The following ZRANB3 variants were observed in gnomAD, a reference collection of about 807,000 sequenced individuals.
ZRANB3 encodes the protein zinc finger RANBP2-type containing 3.
Under a neutral mutation model 133.8 loss-of-function variants are expected in ZRANB3, and 125 were observed. The observed-to-expected ratio is 0.93, with a 90% CI of 0.81 to 1.08. ZRANB3 has a LOEUF of 1.08. Among genes scored for constraint, ZRANB3 ranks in the 50% least tolerant of loss-of-function variants. ZRANB3 has a pLI of 0.00. For missense variants in ZRANB3, 1,229 were observed against 1,275.5 expected (o/e 0.96, Z 0.56); for synonymous variants, 387 against 432.7 (o/e 0.89, Z 1.31).
chr2:135,444,389 T>G (rs1689925420), intron 2 of ZRANB3, among the ~76,000 whole-genome samples: 3 of 152,106 alleles, frequency 2.0e-5, no homozygotes, highest in Admixed American at 2.0e-4. Context: ...ATTAGTAAAT[T>G]TATAAACAAA....
intron 1 of ZRANB3, among the ~76,000 whole-genome samples, chr2:135,521,333 G>A (rs1438762082): frequency 6.6e-6 from 1 of 152,092 alleles, no homozygotes; most frequent in Non-Finnish European, 1.5e-5. Context: ...CAGATCATGA[G>A]GTCAGGAGTT....
At chr2:135,391,462 T>C (rs1465516533) in intron 2 of ZRANB3, among the ~76,000 whole-genome samples, 1 of 152,212 alleles carries the variant, frequency 6.6e-6, no homozygotes, top group Non-Finnish European at 1.5e-5. Context: ...TGGTCTTCCC[T>C]ATAAAGAGAA....
chr2:135,483,440 A>G (rs1353791818), intron 2 of ZRANB3, among the ~76,000 whole-genome samples: 1 of 152,034 alleles, frequency 6.6e-6, no homozygotes, highest in Non-Finnish European at 1.5e-5. Flanking sequence ...GGTAGTTTGT[A>G]TTTCTGTGGG....
intron 6 of ZRANB3, among the ~76,000 whole-genome samples, chr2:135,316,636 A>G (rs1366955332): frequency 2.0e-5 from 3 of 152,224 alleles, no homozygotes; most frequent in Non-Finnish European, 2.9e-5. Context: ...TTTTTAAAAA[A>G]TAAATATTAA....
At position 135,379,354 on chromosome 2, in the gene ZRANB3, A is replaced by G. The variant is rs1276542755; in HGVS notation, c.180+11448T>C. Reference sequence around the variant, plus strand: ...TCACTGTCTTATTCCTTTGAGCCCTATGTCTTCCAAATTCTTCTGTCCTCA... The same window carrying G: ...TCACTGTCTTATTCCTTTGAGCCCTGTGTCTTCCAAATTCTTCTGTCCTCA... On this transcript the variant is annotated intron_variant, in intron 3 of 20. Coordinates refer to ENST00000264159, the MANE Select transcript of ZRANB3 (RefSeq NM_032143.4). 2.0e-5 allele frequency among the ~76,000 whole-genome samples: 3 copies of G among 152,124 alleles called. No homozygotes were observed. In the South Asian group the frequency reaches 6.2e-4, roughly 32 times the overall value.
chr2:135,291,909 T>A (rs1485621793), intron 8 of ZRANB3, among the ~76,000 whole-genome samples: 2 of 152,198 alleles, frequency 1.3e-5, no homozygotes, highest in South Asian at 2.1e-4. Context: ...TCCATGTCCC[T>A]ACAAAGGACA....
Position 135,208,896 on chromosome 2 carries a change from C to A in ZRANB3, c.2578G>T (p.Glu860Ter), listed in dbSNP as rs929481762. The change falls in exon 18 of 21, where the codon GAG becomes TAG. Residue 860 changes from glutamate to a stop codon, truncating the protein, a stop_gained. Transcript: ENST00000264159. LOFTEE classifies it high-confidence loss of function. ...GTGAAAGGATCCCGTGGCCTGGACT[C>A]CTTTGTGATCAGACGGACATGGCCC... ...VGGHVRLITK[E>*]SRPRDPFTKK... 3.7e-6 allele frequency: 6 copies of A among 1,613,854 alleles called. No homozygotes were observed. Among genetic ancestry groups the A allele is most frequent in the Non-Finnish European group, 5.1e-6 (6 of 1,179,880 alleles).
At chr2:135,403,995 A>G (rs1687873691) in intron 2 of ZRANB3, among the ~76,000 whole-genome samples, 1 of 152,152 alleles carries the variant, frequency 6.6e-6, no homozygotes. Context: ...AACCACAAAG[A>G]TGGGGAAAAA....
chr2:135,393,423 A>G (rs1252510954), intron 2 of ZRANB3, among the ~76,000 whole-genome samples: 1 of 152,086 alleles, frequency 6.6e-6, no homozygotes, highest in Non-Finnish European at 1.5e-5. Context: ...AAGATGCAGT[A>G]CGTGGATTAT....
intron 2 of ZRANB3, among the ~76,000 whole-genome samples, chr2:135,413,543 C>A (rs1688408090): frequency 6.6e-6 from 1 of 152,140 alleles, no homozygotes; most frequent in South Asian, 2.1e-4. Flanking sequence ...TACTATCTCT[C>A]CTCATTTGAT....
intron 2 of ZRANB3, among the ~76,000 whole-genome samples, chr2:135,480,687 A>G (rs532722246): frequency 7.3e-5 from 11 of 151,306 alleles, no homozygotes; most frequent in South Asian, 6.3e-4. Flanking sequence ...ATATGTATAC[A>G]TGTGCCATGC....
intron 2 of ZRANB3, among the ~76,000 whole-genome samples, chr2:135,488,927 G>A (rs932870785): frequency 3.3e-5 from 5 of 151,820 alleles, no homozygotes; most frequent in African/African-American, 1.2e-4. Context: ...AACAAAGTAT[G>A]CTATATAATC....
intron 6 of ZRANB3, among the ~76,000 whole-genome samples, chr2:135,322,756 C>A (rs1683592366): frequency 1.3e-5 from 2 of 152,076 alleles, no homozygotes; most frequent in African/African-American, 4.8e-5. Flanking sequence ...GTGGCTCACG[C>A]CTGTAATCTT....
intron 6 of ZRANB3, among the ~76,000 whole-genome samples, chr2:135,331,326 A>G (rs949770830): frequency 6.6e-6 from 1 of 152,154 alleles, no homozygotes; most frequent in African/African-American, 2.4e-5. Flanking sequence ...TTTACCCACT[A>G]GTCATTCAGG....
chr2:135,365,554 G>A lies in ZRANB3; in HGVS notation c.181-11926C>T, dbSNP rs192316552. Among the ~76,000 whole-genome samples, 706 of 152,204 alleles carry A rather than the reference G, an allele frequency of 4.6e-3. 4 individuals carry two copies. The highest frequency in any genetic ancestry group is 0.016 in the African/African-American group (660 of 41,532). On this transcript the variant is annotated intron_variant, in intron 3 of 20. Transcript: ENST00000264159. The stretch of plus-strand genomic sequence containing the variant: ...AAAATATAACATATTCTTAAAAAAA[G>A]TGTATGAAAAATACTAAATTTTCTA...
intron 12 of ZRANB3, among the ~76,000 whole-genome samples, chr2:135,252,082 A>C (rs1273379279): frequency 6.6e-6 from 1 of 152,134 alleles, no homozygotes; most frequent in Non-Finnish European, 1.5e-5. Flanking sequence ...TTTTCTTCCC[A>C]GTCTCAGGTA....
chr2:135,317,996 G>T (rs1049444700), intron 6 of ZRANB3, among the ~76,000 whole-genome samples: 1 of 152,096 alleles, frequency 6.6e-6, no homozygotes, highest in African/African-American at 2.4e-5. Context: ...AGGACTAGAA[G>T]AGGTGCCACC....
chr2:135,453,747 T>G (rs969156100), intron 2 of ZRANB3, among the ~76,000 whole-genome samples: 4 of 152,212 alleles, frequency 2.6e-5, no homozygotes, highest in African/African-American at 7.2e-5. Flanking sequence ...GTCACAGCCA[T>G]TCAACAAATC....
At chr2:135,339,190 ACAC>A (rs1684514684) in intron 6 of ZRANB3, among the ~76,000 whole-genome samples, 1 of 152,068 alleles carries the variant, frequency 6.6e-6, no homozygotes, top group African/African-American at 2.4e-5. Context: ...GGTGGGCGGA[ACAC>A]CTCAGGTCAG....
Sources: allele counts gnomAD v4.1 joint callset (sites outside exome capture counted in the v4.1 genomes callset), GRCh38; gene constraint gnomAD v4.1.1; transcripts MANE v1.5; gene names NCBI Gene and HGNC (gene_info 2026-07-23, HGNC 2026-07-21).